The following AGBL1 variants were observed in gnomAD, a reference collection of about 807,000 sequenced individuals.
AGBL1 encodes the protein cytosolic carboxypeptidase 4.
In AGBL1, 130 loss-of-function variants were observed where a neutral mutation model predicts 118.9. The observed-to-expected ratio is 1.09, with a 90% CI of 0.95 to 1.26. AGBL1 has a LOEUF of 1.26. Ranked by LOEUF, AGBL1 falls within the 50% of genes most tolerant of loss-of-function variation. AGBL1 has a pLI of 0.00. For missense variants in AGBL1, 1,584 were observed against 1,298.1 expected (o/e 1.22, Z -3.38); for synonymous variants, 555 against 478.9 (o/e 1.16, Z -2.08).
At chr15:87,002,996 C>T (rs2081456618) in intron 24 of AGBL1, among the ~76,000 whole-genome samples, 1 of 152,118 alleles carries the variant, frequency 6.6e-6, no homozygotes, top group Non-Finnish European at 1.5e-5. Context: ...TTGCCCTGGG[C>T]AGAACTTCCA....
At chr15:86,844,173 T>C (rs538504222) in intron 22 of AGBL1, among the ~76,000 whole-genome samples, 1 of 152,312 alleles carries the variant, frequency 6.6e-6, no homozygotes, top group South Asian at 2.1e-4. Flanking sequence ...GGGGATATTA[T>C]AAATAATGCT....
chr15:86,681,941 C>T (rs1364751480), intron 22 of AGBL1, among the ~76,000 whole-genome samples: 2 of 152,084 alleles, frequency 1.3e-5, no homozygotes, highest in Non-Finnish European at 1.5e-5. Flanking sequence ...CCATAAAGAT[C>T]CCATTACAGT....
chr15:86,239,329 A>T (rs1023543828), intron 6 of AGBL1, among the ~76,000 whole-genome samples: 1 of 152,248 alleles, frequency 6.6e-6, no homozygotes, highest in Non-Finnish European at 1.5e-5. Context: ...GAAAAAAAGT[A>T]CCCGAAAGCT....
chr15:87,028,809 T>G (rs369013904), intron 24 of AGBL1: 108 of 1,603,212 alleles, frequency 6.7e-5, no homozygotes, highest in Non-Finnish European at 8.9e-5. Context: ...TTAATATATT[T>G]CTTATTCCTT....
intron 21 of AGBL1, among the ~76,000 whole-genome samples, chr15:86,652,004 C>T (rs184444023): frequency 5.9e-5 from 9 of 152,260 alleles, no homozygotes; most frequent in Admixed American, 5.2e-4. Flanking sequence ...CAACTGGACT[C>T]TACTGGATGC....
chr15:86,800,295 G>T (rs899284937), intron 22 of AGBL1, among the ~76,000 whole-genome samples: 1 of 152,114 alleles, frequency 6.6e-6, no homozygotes, highest in Non-Finnish European at 1.5e-5. Flanking sequence ...AATGTTTGAA[G>T]CCATGTAAAG....
Position 86,670,650 on chromosome 15 carries a change from G to GTGTGTA in AGBL1, c.2995-3622_2995-3621insGTGTAT, listed in dbSNP as rs369000727. 8.7e-3 allele frequency among the ~76,000 whole-genome samples: 1,232 copies of GTGTGTA among 141,108 alleles called. 28 individuals carry two copies. The highest frequency in any genetic ancestry group is 0.063 in the East Asian group (280 of 4,426). The allele number at this position is 141,108 out of a possible 152,430, so 92.6% of individuals were successfully genotyped here. On this transcript the variant is annotated intron_variant, in intron 21 of 22. Transcript: ENST00000614907. The stretch of plus-strand genomic sequence containing the variant: ...ACAAACACGCTGTGTGTGTGTGTGT[G>GTGTGTA]TATATATATATATAGCAAACTTATA...
At chr15:86,807,102 T>G (rs1474917832) in intron 22 of AGBL1, among the ~76,000 whole-genome samples, 3 of 152,120 alleles carry the variant, frequency 2.0e-5, no homozygotes, top group Non-Finnish European at 4.4e-5. Context: ...CAAACCTCCC[T>G]AAGTCCAAGT....
intron 18 of AGBL1, among the ~76,000 whole-genome samples, chr15:86,478,030 A>C (rs1332078437): frequency 6.6e-6 from 1 of 152,232 alleles, no homozygotes; most frequent in African/African-American, 2.4e-5. Flanking sequence ...AAAATTCAAC[A>C]GCCCTTCATG....
intron 17 of AGBL1, among the ~76,000 whole-genome samples, chr15:86,313,674 A>G (rs2079954719): frequency 6.6e-6 from 1 of 152,228 alleles, no homozygotes; most frequent in East Asian, 1.9e-4. Context: ...TAATTGATTA[A>G]TAATACATTA....
At chr15:87,002,213 C>T (rs2081447457) in intron 24 of AGBL1, among the ~76,000 whole-genome samples, 1 of 152,044 alleles carries the variant, frequency 6.6e-6, no homozygotes. Context: ...CCAGTTTTCC[C>T]AGCACCATTT....
chr15:86,171,706 A>G (rs1266832921), intron 5 of AGBL1, among the ~76,000 whole-genome samples: 1 of 152,204 alleles, frequency 6.6e-6, no homozygotes, highest in Non-Finnish European at 1.5e-5. Flanking sequence ...AAGGGCAAAT[A>G]TATAATCATA....
chr15:86,798,898 G>C (rs1419183739), intron 22 of AGBL1, among the ~76,000 whole-genome samples: 1 of 151,906 alleles, frequency 6.6e-6, no homozygotes, highest in Non-Finnish European at 1.5e-5. Context: ...CCTGAATGAG[G>C]AGACTTTGAC....
At chr15:86,144,455 A>C (rs1041794356) in intron 3 of AGBL1, among the ~76,000 whole-genome samples, 1 of 152,244 alleles carries the variant, frequency 6.6e-6, no homozygotes, top group African/African-American at 2.4e-5. Flanking sequence ...AATGTGGTAC[A>C]CATACACCAT....
At chr15:86,666,935 C>T (rs2085654790) in intron 21 of AGBL1, among the ~76,000 whole-genome samples, 1 of 152,120 alleles carries the variant, frequency 6.6e-6, no homozygotes, top group African/African-American at 2.4e-5. Context: ...ACACACCATG[C>T]CAGGCTATCT....
chr15:86,783,457 G>A (rs2078362257), intron 22 of AGBL1, among the ~76,000 whole-genome samples: 1 of 152,068 alleles, frequency 6.6e-6, no homozygotes, highest in Non-Finnish European at 1.5e-5. Flanking sequence ...TTTCTTCACA[G>A]CACAAGAACA....
At chr15:86,554,215 G>T in intron 20 of AGBL1, 146 bp from the exon 21 acceptor site, 1 of 707,628 alleles carries the variant, frequency 1.4e-6, no homozygotes, top group Non-Finnish European at 2.2e-6. Context: ...TTTAAAAAGT[G>T]ATAGCCATTT....
chr15:86,956,328 GGATA>G (rs1007301448), intron 23 of AGBL1, among the ~76,000 whole-genome samples: 18 of 151,740 alleles, frequency 1.2e-4, no homozygotes, highest in South Asian at 4.2e-4. Context: ...ATAGATAGAT[GGATA>G]GATAGATAGA....
intron 23 of AGBL1, among the ~76,000 whole-genome samples, chr15:86,974,973 G>C (rs1169609300): frequency 6.6e-6 from 1 of 151,928 alleles, no homozygotes; most frequent in Non-Finnish European, 1.5e-5. Context: ...AGGGACTTTA[G>C]GCAAGGGTCT....
Sources: gnomAD v4.1 joint callset for allele counts (sites outside exome capture counted in the v4.1 genomes callset) on GRCh38, gnomAD v4.1.1 for gene constraint, MANE v1.5 for transcripts, NCBI Gene and HGNC (gene_info 2026-07-23, HGNC 2026-07-21) for gene names.